Variants in SHC3 observed in about 807,000 individuals in gnomAD.
The protein encoded by SHC3 is SHC adaptor protein 3.
Under a neutral mutation model 60.4 loss-of-function variants are expected in SHC3, and 15 were observed. The observed-to-expected ratio is 0.25, with a 90% CI of 0.17 to 0.38. The LOEUF is 0.38. Ranked by LOEUF, SHC3 falls within the 10% of genes least tolerant of loss-of-function variation. The pLI is 1.00. For missense variants in SHC3, 677 were observed against 786.1 expected, an observed-to-expected ratio of 0.86 and a Z score of 1.66; for synonymous variants, 294 against 325.9, an observed-to-expected ratio of 0.90 and a Z score of 1.05.
At chr9:89,052,744 T>A (rs1384625804) in intron 6 of SHC3, among the ~76,000 whole-genome samples, 1 of 152,250 alleles carries the variant, frequency 6.6e-6, no homozygotes, top group Non-Finnish European at 1.5e-5. Flanking sequence ...ATTATCAGTG[T>A]GACCATGCCA....
intron 5 of SHC3, among the ~76,000 whole-genome samples, chr9:89,066,012 C>T (rs754107215): frequency 6.6e-6 from 1 of 152,168 alleles, no homozygotes; most frequent in Non-Finnish European, 1.5e-5. Context: ...GGATGTGAGG[C>T]CTGTGCATTC....
At chr9:89,077,163 C>T (rs537429269) in intron 3 of SHC3, among the ~76,000 whole-genome samples, 6 of 149,754 alleles carry the variant, frequency 4.0e-5, no homozygotes, top group Non-Finnish European at 7.4e-5. Flanking sequence ...GGGGATAGAG[C>T]GAGACTCTGT....
At chr9:89,167,021 A>T (rs1204015954) in intron 1 of SHC3, among the ~76,000 whole-genome samples, 3 of 152,078 alleles carry the variant, frequency 2.0e-5, no homozygotes, top group Non-Finnish European at 4.4e-5. Context: ...GGCTCTTCAC[A>T]GCACGAAAGC....
intron 4 of SHC3, among the ~76,000 whole-genome samples, chr9:89,071,679 A>C (rs747195887): frequency 2.6e-5 from 4 of 152,246 alleles, no homozygotes; most frequent in Admixed American, 6.5e-5. Flanking sequence ...CAACATGCCA[A>C]CAGGTACCAG....
intron 2 of SHC3, among the ~76,000 whole-genome samples, chr9:89,108,726 G>A (rs1306933621): frequency 6.6e-6 from 1 of 152,096 alleles, no homozygotes; most frequent in Non-Finnish European, 1.5e-5. Flanking sequence ...TCTTAGCATG[G>A]TTTATACAAT....
intron 2 of SHC3, among the ~76,000 whole-genome samples, chr9:89,079,582 C>G (rs1825414016): frequency 6.6e-6 from 1 of 152,152 alleles, no homozygotes; most frequent in Non-Finnish European, 1.5e-5. Flanking sequence ...CAAAAAGACA[C>G]ATAGTATCAA....
chr9:89,087,365 C>G (rs566763203), intron 2 of SHC3, among the ~76,000 whole-genome samples: 49 of 152,190 alleles, frequency 3.2e-4, no homozygotes, highest in Non-Finnish European at 6.2e-4. Context: ...TGGAAATACT[C>G]TGTGAGACTA....
rs200799907 is a variant in SHC3, at chr9:89,019,227, CT to C, written c.1657-5653del. ...ATTCCAAAGAAAACCTATAGAATTTCTTTTTTGATTTCATTTTTGTAAACCA... is the reference window on the plus strand; with the variant it reads ...ATTCCAAAGAAAACCTATAGAATTTCTTTTTGATTTCATTTTTGTAAACCA... On this transcript the variant is annotated intron_variant, in intron 11 of 11. Coordinates refer to ENST00000375835, the MANE Select transcript of SHC3 (RefSeq NM_016848.6). Among the ~76,000 whole-genome samples, 1,099 of 152,198 alleles carry C rather than the reference CT, an allele frequency of 7.2e-3. 15 individuals carry two copies. Among genetic ancestry groups the C allele is most frequent in the African/African-American group, 0.025 (1,054 of 41,534 alleles).
rs369992028 is a variant in SHC3, at chr9:89,031,805, G to A, written c.1656+6188C>T. On this transcript the variant is annotated intron_variant, in intron 11 of 11. Transcript: ENST00000375835. ...CTATCTCCTTTGTTTATGTTTTTCA[G>A]TCTTACATTGATAAAAATGTAAAAG... is the stretch of plus-strand genomic sequence containing the variant. Among the ~76,000 whole-genome samples, 11 of 152,232 alleles carry A rather than the reference G, an allele frequency of 7.2e-5. No individual in the cohort carries two copies. The East Asian group carries it at 1.4e-3, about 19-fold the overall frequency.
chr9:89,034,886 G>C (rs1824546536), intron 11 of SHC3, among the ~76,000 whole-genome samples: 1 of 152,190 alleles, frequency 6.6e-6, no homozygotes, highest in African/African-American at 2.4e-5. Flanking sequence ...GGCAGGGCTT[G>C]CATAATGTCC....
chr9:89,021,814 C>A (rs923682837), intron 11 of SHC3, among the ~76,000 whole-genome samples: 1 of 152,134 alleles, frequency 6.6e-6, no homozygotes, highest in African/African-American at 2.4e-5. Flanking sequence ...TGGAAAAACT[C>A]TGTCACACAC....
rs1825965013 is a variant in SHC3, at chr9:89,112,565, T to C, written c.536A>G (p.Gln179Arg). ...MRSLDFSTRT[Q>R]ITREAISRVC... is the part of the protein sequence containing the mutation. ...TTTCAAGAGGGCTTACCTGGTAATT[T>C]GTGTTCTTGTACTGAAGTCAAGAGA... The change falls in exon 2 of 12, where the codon CAA (glutamine) becomes CGA (arginine). Residue 179 changes from glutamine (Q) to arginine (R), a missense_variant. Physicochemically the swap from Gln to Arg is conservative, Grantham distance 43. Coordinates refer to ENST00000375835, the MANE Select transcript of SHC3 (RefSeq NM_016848.6). The C allele has an allele frequency of 3.7e-6, 6 of 1,604,444 alleles. No homozygotes were observed. The highest frequency in any genetic ancestry group is 5.1e-6 in the Non-Finnish European group (6 of 1,176,212).
At chr9:89,110,059 A>T in intron 2 of SHC3, 1 of 985,446 alleles carries the variant, frequency 1.0e-6, no homozygotes, top group Non-Finnish European at 1.2e-6. Context: ...AACCCAGCCA[A>T]TACACTGAAA....
At chr9:89,166,731 A>G (rs1826794816) in intron 1 of SHC3, among the ~76,000 whole-genome samples, 1 of 152,186 alleles carries the variant, frequency 6.6e-6, no homozygotes, top group African/African-American at 2.4e-5. Flanking sequence ...TGGGAAGGAA[A>G]GGATGCGCAA....
intron 1 of SHC3, among the ~76,000 whole-genome samples, chr9:89,149,042 T>C (rs537034818): frequency 6.6e-6 from 1 of 152,354 alleles, no homozygotes; most frequent in South Asian, 2.1e-4. Context: ...CTCTGTTTAC[T>C]CGCCTGAAGA....
intron 2 of SHC3, among the ~76,000 whole-genome samples, chr9:89,094,896 T>C (rs1171163516): frequency 6.6e-6 from 1 of 152,136 alleles, no homozygotes; most frequent in African/African-American, 2.4e-5. Flanking sequence ...CATGATGCGA[T>C]ACCACCTCAC....
At chr9:89,154,452 C>T (rs571546651) in intron 1 of SHC3, among the ~76,000 whole-genome samples, 33 of 152,304 alleles carry the variant, frequency 2.2e-4, no homozygotes, top group Middle Eastern at 3.4e-3. Flanking sequence ...GGATGCCCCA[C>T]GGTGTTTTGG....
chr9:89,142,155 A>C (rs1826402534), intron 1 of SHC3, among the ~76,000 whole-genome samples: 1 of 152,206 alleles, frequency 6.6e-6, no homozygotes, highest in African/African-American at 2.4e-5. Context: ...TTAGCCCAGA[A>C]GGACTTTACT....
At chr9:89,167,915 G>A (rs952664180) in intron 1 of SHC3, among the ~76,000 whole-genome samples, 2 of 152,190 alleles carry the variant, frequency 1.3e-5, no homozygotes, top group Non-Finnish European at 2.9e-5. Context: ...GTGGCTACAT[G>A]CCCTGCTGCT....
Sources: allele counts gnomAD v4.1 joint callset (sites outside exome capture counted in the v4.1 genomes callset), GRCh38; gene constraint gnomAD v4.1.1; transcripts MANE v1.5; gene names NCBI Gene and HGNC (gene_info 2026-07-23, HGNC 2026-07-21).